Variants in NID1 observed in about 807,000 individuals in gnomAD.
The protein encoded by NID1 is nidogen-1.
NID1 carries 76 observed loss-of-function variants against 130.6 expected under a neutral mutation model. The observed-to-expected ratio is 0.58, with a 90% CI of 0.48 to 0.70. The LOEUF (loss-of-function observed/expected upper bound fraction) is 0.70, where lower values mean the gene tolerates loss of function less well. Ranked by LOEUF, NID1 falls within the 30% of genes least tolerant of loss-of-function variation. NID1 has a pLI of 0.00. For synonymous variants in NID1, 665 were observed against 675.1 expected (o/e 0.98, Z 0.23); for missense variants, 1,517 against 1,664.8 (o/e 0.91, Z 1.54).
At position 235,985,141 on chromosome 1, in the gene NID1, C is replaced by G. The variant is rs1364335878; in HGVS notation, c.3055+238G>C. Among the ~76,000 whole-genome samples the G allele has an allele frequency of 6.0e-5, 9 of 150,110 alleles. No homozygotes were observed. In the East Asian group the frequency reaches 1.8e-3, roughly 29 times the overall value. On this transcript the variant is annotated intron_variant, in intron 15 of 19. Coordinates refer to ENST00000264187, the MANE Select transcript of NID1 (RefSeq NM_002508.3). The stretch of plus-strand genomic sequence containing the variant: ...CCAGGAGGCAGAGCTTGCAGTGAGC[C>G]AAGATCACGCCACTGCACTCCAGCC...
At chr1:235,982,340 G>A (rs1657462201) in intron 15 of NID1, among the ~76,000 whole-genome samples, 1 of 152,186 alleles carries the variant, frequency 6.6e-6, no homozygotes, top group African/African-American at 2.4e-5. Flanking sequence ...AGTGGTCAGA[G>A]ATGAAGGTAG....
Position 235,993,625 on chromosome 1 carries a change from C to A in NID1, c.2755+20G>T. 1 of 1,507,646 alleles carries A rather than the reference C, an allele frequency of 6.6e-7. No homozygotes were observed. The highest frequency in any genetic ancestry group is 8.9e-7 in the Non-Finnish European group (1 of 1,121,390). The allele number at this position is 1,507,646 out of a possible 1,614,324, so 93.4% of individuals were successfully genotyped here. ...GGTCCTTCTCAGGCACACGCCCAAG[C>A]ACGGCCTGCACCCACTTACACGGGG... On this transcript the variant is annotated intron_variant, in intron 13 of 19. Coordinates refer to ENST00000264187, the MANE Select transcript of NID1 (RefSeq NM_002508.3).
chr1:235,978,248 A>C (rs1224228090), intron 19 of NID1, among the ~76,000 whole-genome samples: 1 of 152,270 alleles, frequency 6.6e-6, no homozygotes, highest in Non-Finnish European at 1.5e-5. Context: ...GCTATTAAAC[A>C]GATCTCAGGG....
chr1:236,059,934 T>C (rs1659995525), intron 1 of NID1, among the ~76,000 whole-genome samples: 1 of 152,008 alleles, frequency 6.6e-6, no homozygotes, highest in Admixed American at 6.6e-5. Flanking sequence ...ACCCCGTCTC[T>C]ACTAAAAATA....
At chr1:236,028,487 G>A (rs530855446) in intron 7 of NID1, among the ~76,000 whole-genome samples, 4 of 151,968 alleles carry the variant, frequency 2.6e-5, no homozygotes, top group African/African-American at 4.8e-5. Context: ...CAGCTTGGGC[G>A]ACAGAGTGAG....
intron 12 of NID1, among the ~76,000 whole-genome samples, chr1:236,001,145 G>A (rs148586508): frequency 2.7e-5 from 4 of 147,056 alleles, no homozygotes; most frequent in African/African-American, 7.6e-5. Context: ...TATCACTGTC[G>A]CCCGGCCTGG....
chr1:236,044,437 A>G (rs895286254), intron 3 of NID1, among the ~76,000 whole-genome samples: 1 of 152,156 alleles, frequency 6.6e-6, no homozygotes, highest in Non-Finnish European at 1.5e-5. Flanking sequence ...TTATGGTGAG[A>G]ATATATATAA....
chr1:235,991,395 C>T (rs546869740), intron 13 of NID1, among the ~76,000 whole-genome samples: 22 of 152,106 alleles, frequency 1.4e-4, no homozygotes, highest in African/African-American at 4.1e-4. Flanking sequence ...TGCAATGGTG[C>T]GATCTTGGCT....
At position 236,038,238 on chromosome 1, in the gene NID1, G is replaced by C. The variant is rs536116174; in HGVS notation, c.1151C>G (p.Thr384Arg). ...EETGVVFSYN[T>R]DSRQTCANNR... ...GTTAGCACACGTCTGGCGGGAATCC[G>C]TGTTATAGCTGAAAACTGGTCCAAG... Residue 384 changes from threonine (T) to arginine (R), a missense_variant, in exon 5 of 20, where the codon ACG becomes AGG. By Grantham distance (71) the Thr-to-Arg change is moderately conservative (BLOSUM62 -1). This residue lies in a region of NID1 where 1,329 missense variants were observed against 1,429.2 expected (regional missense o/e 0.93). Coordinates refer to ENST00000264187, the MANE Select transcript of NID1 (RefSeq NM_002508.3). 1 of 1,612,306 alleles carries C rather than the reference G, an allele frequency of 6.2e-7. No homozygotes were observed. Among genetic ancestry groups the C allele is most frequent in the Non-Finnish European group, 8.5e-7 (1 of 1,178,848 alleles).
At chr1:236,017,385 T>G (rs1275302919) in intron 9 of NID1, 112 bp from the exon 10 acceptor site, 1 of 1,256,544 alleles carries the variant, frequency 8.0e-7, no homozygotes, top group Non-Finnish European at 1.1e-6. Flanking sequence ...TAAAACAAAA[T>G]TTTCTTTTTT....
At chr1:235,987,453 T>A (rs1213260369) in intron 14 of NID1, among the ~76,000 whole-genome samples, 1 of 152,244 alleles carries the variant, frequency 6.6e-6, no homozygotes, top group South Asian at 2.1e-4. Flanking sequence ...CCTCTCTGTA[T>A]ACCTTTCCAA....
Position 236,048,695 on chromosome 1 carries a change from C to T in NID1, c.520G>A (p.Gly174Ser). Residue 174 changes from glycine to serine, a missense_variant, in exon 2 of 20, where the codon GGC (glycine) becomes AGC (serine). This residue lies in a region of NID1 where 1,329 missense variants were observed against 1,429.2 expected (regional missense o/e 0.93). Transcript: ENST00000264187. The stretch of plus-strand genomic sequence containing the variant: ...GGACCTGGAGGGGAGCTTACCTTGC[C>T]TTTCTGGTCTGGGTCCCTGCTGGGC... Reference protein sequence around the residue: ...QGPSRDPDQKGKRNTFQAVLA... With the variant: ...QGPSRDPDQKSKRNTFQAVLA... 1 of 1,608,630 alleles carries T rather than the reference C, an allele frequency of 6.2e-7. No individual in the cohort carries two copies. Among genetic ancestry groups the T allele is most frequent in the Non-Finnish European group, 8.5e-7 (1 of 1,179,108 alleles).
At chr1:236,045,154 G>C (rs576390396) in intron 3 of NID1, among the ~76,000 whole-genome samples, 2 of 143,226 alleles carry the variant, frequency 1.4e-5, no homozygotes, top group Admixed American at 7.4e-5. Context: ...AGTCGAGATT[G>C]TGCCATTGCA....
At chr1:236,033,311 A>AAGAG (rs1261562103) in intron 5 of NID1, among the ~76,000 whole-genome samples, 1 of 152,042 alleles carries the variant, frequency 6.6e-6, no homozygotes, top group African/African-American at 2.4e-5. Context: ...GTCTCAAAAA[A>AAGAG]AGAGAGAGAG....
chr1:236,034,422 CAAA>C (rs144657585), intron 5 of NID1, among the ~76,000 whole-genome samples: 5 of 92,620 alleles, frequency 5.4e-5, no homozygotes, highest in African/African-American at 7.7e-5. Context: ...AACTCCATCT[CAAA>C]AAAAAAAAAA....
intron 4 of NID1, among the ~76,000 whole-genome samples, chr1:236,040,551 C>T (rs1659420200): frequency 6.6e-6 from 1 of 152,016 alleles, no homozygotes; most frequent in African/African-American, 2.4e-5. Context: ...CAGCAGACAG[C>T]TGCAATAAGC....
At chr1:236,034,535 C>T (rs1057276211) in intron 5 of NID1, among the ~76,000 whole-genome samples, 3 of 151,814 alleles carry the variant, frequency 2.0e-5, no homozygotes, top group Admixed American at 1.3e-4. Context: ...AGAAGTCAGA[C>T]ACAAAAGGTC....
intron 12 of NID1, among the ~76,000 whole-genome samples, chr1:236,001,787 G>C (rs1177271598): frequency 1.3e-5 from 2 of 152,234 alleles, no homozygotes; most frequent in Non-Finnish European, 2.9e-5. Flanking sequence ...ATGGAAGAGA[G>C]CTTGCACTCC....
In NID1 at chr1:235,990,101, T is replaced by G. The variant is rs1239650731; in HGVS notation, c.2928+785A>C. On this transcript the variant is annotated intron_variant, in intron 14 of 19. Coordinates refer to ENST00000264187, the MANE Select transcript of NID1 (RefSeq NM_002508.3). ...GAAAAGTATTTTTATTTTGGATACT[T>G]TTTTGCTGATGTTTCCTCCCTGGTC... Among the ~76,000 whole-genome samples, 3 of 152,248 alleles carry G rather than the reference T, an allele frequency of 2.0e-5. No individual in the cohort carries two copies. The East Asian group carries it at 5.8e-4, about 29-fold the overall frequency.
Sources: gnomAD v4.1 joint callset for allele counts (sites outside exome capture counted in the v4.1 genomes callset) on GRCh38, gnomAD v4.1.1 for gene constraint, gnomAD v4.1.1 regional missense constraint, MANE v1.5 for transcripts, NCBI Gene and HGNC (gene_info 2026-07-23, HGNC 2026-07-21) for gene names.